SLC38A9: variants seen among roughly 807,000 people sequenced by gnomAD.
The protein encoded by SLC38A9 is neutral amino acid transporter 9.
A neutral mutation model predicts 62.3 loss-of-function variants in SLC38A9; 48 were observed. The observed-to-expected ratio is 0.77, with a 90% CI of 0.61 to 0.98. The LOEUF (loss-of-function observed/expected upper bound fraction) is 0.98. Ranked by LOEUF, SLC38A9 falls within the 50% of genes least tolerant of loss-of-function variation. The pLI is 0.00. For missense variants in SLC38A9, 541 were observed against 679.8 expected (o/e 0.80, Z 2.27); for synonymous variants, 204 against 227.7 (o/e 0.90, Z 0.94).
Position 55,638,408 on chromosome 5 carries a change from A to C in SLC38A9, c.1168-2751T>G, listed in dbSNP as rs189123558. On this transcript the variant is annotated intron_variant, in intron 12 of 15. Coordinates refer to ENST00000396865, the MANE Select transcript of SLC38A9 (RefSeq NM_173514.4). ...AAAAATATATTTAAAAAGAGACACA[A>C]GCGACAATATAAGCTGGTAATTATG... Among the ~76,000 whole-genome samples the C allele has an allele frequency of 2.5e-3, 381 of 152,360 alleles. 3 individuals are homozygous for C. The highest frequency in any genetic ancestry group is 8.8e-3 in the African/African-American group (366 of 41,582).
chr5:55,700,064 G>A (rs1756435596), intron 2 of SLC38A9, among the ~76,000 whole-genome samples: 1 of 150,992 alleles, frequency 6.6e-6, no homozygotes, highest in South Asian at 2.1e-4. Context: ...TTACAGCTGG[G>A]CACAGTGGCT....
At chr5:55,680,503 T>A (rs1035739159) in intron 3 of SLC38A9, among the ~76,000 whole-genome samples, 16 of 152,258 alleles carry the variant, frequency 1.1e-4, no homozygotes, top group Admixed American at 5.9e-4. Context: ...TTTGGCTAGC[T>A]TGTTCTTCAG....
intron 3 of SLC38A9, chr5:55,694,222 A>G: frequency 3.7e-6 from 1 of 272,048 alleles, no homozygotes; most frequent in Non-Finnish European, 7.5e-6. Flanking sequence ...AAAAAAAAAA[A>G]AATCACTGTC....
chr5:55,703,421 G>C (rs1014593230), intron 2 of SLC38A9, among the ~76,000 whole-genome samples: 2 of 152,074 alleles, frequency 1.3e-5, no homozygotes, highest in Non-Finnish European at 1.5e-5. Context: ...GAATAAGTAA[G>C]TTGACTCTTT....
chr5:55,695,014 A>G (rs1222433158), intron 3 of SLC38A9, among the ~76,000 whole-genome samples: 1 of 152,020 alleles, frequency 6.6e-6, no homozygotes, highest in South Asian at 2.1e-4. Context: ...CAGCCTCCCA[A>G]AGTGTTGGGA....
rs188924783 is a variant in SLC38A9, at chr5:55,704,715, A to G, written c.-34-6723T>C. Among the ~76,000 whole-genome samples, 231 of 152,324 alleles carry G rather than the reference A, an allele frequency of 1.5e-3. 1 individual carries two copies. Among genetic ancestry groups the G allele is most frequent in the Admixed American group, 2.7e-3 (42 of 15,302 alleles). ...TTTCAGAAAGAACTGCAAGGCATTAATTTGTCTGAATTACACACATTGGGT... is the reference window on the plus strand; with the variant it reads ...TTTCAGAAAGAACTGCAAGGCATTAGTTTGTCTGAATTACACACATTGGGT... On this transcript the variant is annotated intron_variant, in intron 2 of 15. Transcript: ENST00000396865.
At chr5:55,631,632 C>T (rs1743469428) in intron 14 of SLC38A9, among the ~76,000 whole-genome samples, 1 of 152,114 alleles carries the variant, frequency 6.6e-6, no homozygotes. Flanking sequence ...TGCTTGAGAC[C>T]TGGTAACTCC....
At chr5:55,640,567 C>T (rs369264403) in intron 12 of SLC38A9, among the ~76,000 whole-genome samples, 7 of 152,216 alleles carry the variant, frequency 4.6e-5, no homozygotes, top group South Asian at 2.1e-4. Flanking sequence ...CACAATGGGG[C>T]GTATACATCT....
chr5:55,639,714 A>G (rs1247260971), intron 12 of SLC38A9, among the ~76,000 whole-genome samples: 6 of 152,184 alleles, frequency 3.9e-5, no homozygotes, highest in Admixed American at 6.5e-5. Flanking sequence ...TTTTTCTCAG[A>G]ATATAGTACC....
rs370187087 is a variant in SLC38A9 at position 55,694,702 on chromosome 5, TTCCCC to T, written c.113+3139_113+3143del. Among the ~76,000 whole-genome samples, 573 of 145,814 alleles carry T rather than the reference TTCCCC, an allele frequency of 3.9e-3. 3 individuals carry two copies. Among genetic ancestry groups the T allele is most frequent in the South Asian group, 0.015 (63 of 4,232 alleles). ...CTTTTCCCTTTTCCCTTCCCTTCCC[TTCCCC>T]TCCCCTCCCCTCCCCTCCGCTCCCC... On this transcript the variant is annotated intron_variant, in intron 3 of 15. Transcript: ENST00000396865.
chr5:55,701,970 T>C (rs1022531422), intron 2 of SLC38A9, among the ~76,000 whole-genome samples: 8 of 152,230 alleles, frequency 5.3e-5, no homozygotes, highest in Non-Finnish European at 1.2e-4. Flanking sequence ...TCTTTCACTT[T>C]CTTCTGTTAC....
At chr5:55,685,731 G>A (rs771211710) in intron 3 of SLC38A9, among the ~76,000 whole-genome samples, 1 of 152,032 alleles carries the variant, frequency 6.6e-6, no homozygotes, top group Non-Finnish European at 1.5e-5. Flanking sequence ...CATCACCCAG[G>A]CATTAAGCCT....
At chr5:55,685,324 G>A (rs966446249) in intron 3 of SLC38A9, among the ~76,000 whole-genome samples, 2 of 152,024 alleles carry the variant, frequency 1.3e-5, no homozygotes, top group African/African-American at 4.8e-5. Context: ...TGGCTTTACC[G>A]AATCTAGAAA....
intron 12 of SLC38A9, among the ~76,000 whole-genome samples, chr5:55,639,272 T>TA (rs753043231): frequency 0.023 from 1,265 of 54,470 alleles, 28 homozygotes; most frequent in African/African-American, 0.065. Context: ...AAACTCTGTC[T>TA]AAAAAAAAAA....
intron 7 of SLC38A9, among the ~76,000 whole-genome samples, chr5:55,666,831 C>T (rs972950519): frequency 1.3e-5 from 2 of 151,946 alleles, no homozygotes. Flanking sequence ...ATCGAGACCA[C>T]AGTGAAATCC....
chr5:55,659,305 G>T (rs961105446), intron 8 of SLC38A9, among the ~76,000 whole-genome samples: 1 of 146,744 alleles, frequency 6.8e-6, no homozygotes, highest in Admixed American at 6.8e-5. Flanking sequence ...GTCTGTGTAC[G>T]TATATATAAT....
intron 2 of SLC38A9, among the ~76,000 whole-genome samples, chr5:55,709,509 G>A (rs1274154939): frequency 6.6e-6 from 1 of 151,514 alleles, no homozygotes; most frequent in African/African-American, 2.4e-5. Context: ...TTGAACCTAG[G>A]AGTTCAAGGT....
intron 4 of SLC38A9, 37 bp downstream of exon 4, chr5:55,672,526 C>A: frequency 3.1e-6 from 5 of 1,606,124 alleles, no homozygotes; most frequent in Non-Finnish European, 4.3e-6. Flanking sequence ...TTCATTTCAA[C>A]TGAATTTTAG....
At position 55,686,213 on chromosome 5, in the gene SLC38A9, T is replaced by TA. The variant is rs557976080; in HGVS notation, c.113+11632dup. On this transcript the variant is annotated intron_variant, in intron 3 of 15. Transcript: ENST00000396865. Reference sequence around the variant, plus strand: ...TGAGGAATCACCACACTATCTTCCATAATGGCTCAACTAATTTACACTCCC... The same window carrying TA: ...TGAGGAATCACCACACTATCTTCCATAAATGGCTCAACTAATTTACACTCCC... 1.6e-4 allele frequency among the ~76,000 whole-genome samples: 25 copies of TA among 152,310 alleles called. No homozygotes were observed. The South Asian group carries it at 3.1e-3, about 19-fold the overall frequency.
Sources: gnomAD v4.1 joint callset for allele counts (sites outside exome capture counted in the v4.1 genomes callset) on GRCh38, gnomAD v4.1.1 for gene constraint, MANE v1.5 for transcripts, NCBI Gene and HGNC (gene_info 2026-07-23, HGNC 2026-07-21) for gene names.